The following CDC45 variants were observed in gnomAD, a reference collection of about 807,000 sequenced individuals.
The protein encoded by CDC45 is cell division cycle 45.
CDC45 carries 54 observed loss-of-function variants against 77.8 expected under a neutral mutation model. The observed-to-expected ratio is 0.69, with a 90% confidence interval of 0.56 to 0.87. The LOEUF is 0.87. Ranked by LOEUF, CDC45 falls within the 40% of genes least tolerant of loss-of-function variation. The pLI is 0.00. For missense variants in CDC45, 649 were observed against 721.6 expected, an observed-to-expected ratio of 0.90 and a Z score of 1.15; for synonymous variants, 260 against 272.1, an observed-to-expected ratio of 0.96 and a Z score of 0.44.
At chr22:19,517,693 G>A (rs1933876773) in intron 17 of CDC45, among the ~76,000 whole-genome samples, 1 of 152,152 alleles carries the variant, frequency 6.6e-6, no homozygotes, top group African/African-American at 2.4e-5. Context: ...TTCTCACTGT[G>A]TCCTCACGTG....
intron 10 of CDC45, among the ~76,000 whole-genome samples, chr22:19,506,590 A>G (rs894875180): frequency 6.6e-6 from 1 of 152,102 alleles, no homozygotes; most frequent in African/African-American, 2.4e-5. Context: ...GACAGTCCAC[A>G]CTCACAACTG....
At chr22:19,503,564 T>C (rs1227097281) in intron 9 of CDC45, among the ~76,000 whole-genome samples, 1 of 152,200 alleles carries the variant, frequency 6.6e-6, no homozygotes. Flanking sequence ...GAGCTGCTGC[T>C]AGCAATTCCT....
chr22:19,480,113 G>A (rs1280294477), intron 1 of CDC45, 45 bp from the exon 2 acceptor site: 1 of 1,612,572 alleles, frequency 6.2e-7, no homozygotes, highest in Non-Finnish European at 8.5e-7. Flanking sequence ...GGGGAGGGCC[G>A]GGGTTCGGGT....
intron 5 of CDC45, among the ~76,000 whole-genome samples, chr22:19,490,542 T>C (rs2090139319): frequency 6.6e-6 from 1 of 151,278 alleles, no homozygotes; most frequent in African/African-American, 2.4e-5. Context: ...GCCCAGCTAA[T>C]TTTTTGTATT....
At chr22:19,504,424 C>G (rs1309827593) in intron 9 of CDC45, among the ~76,000 whole-genome samples, 1 of 152,194 alleles carries the variant, frequency 6.6e-6, no homozygotes, top group Non-Finnish European at 1.5e-5. Flanking sequence ...CTCACCCTCC[C>G]AAGTAGCTGG....
At chr22:19,489,819 G>T in intron 5 of CDC45, among the ~76,000 whole-genome samples, 1 of 152,198 alleles carries the variant, frequency 6.6e-6, no homozygotes, top group East Asian at 1.9e-4. Context: ...GTGGTGTTGA[G>T]TTCTGTTTGC....
At chr22:19,485,552 G>C (rs1470272878) in intron 5 of CDC45, among the ~76,000 whole-genome samples, 1 of 152,200 alleles carries the variant, frequency 6.6e-6, no homozygotes, top group Non-Finnish European at 1.5e-5. Flanking sequence ...AATGAGAACA[G>C]ACCAGTGGGT....
chr22:19,499,397 C>T (rs1463032203), intron 9 of CDC45, among the ~76,000 whole-genome samples: 4 of 152,130 alleles, frequency 2.6e-5, no homozygotes, highest in African/African-American at 7.2e-5. Context: ...AGTTCTCTCC[C>T]AGTGCCCTGC....
chr22:19,487,184 C>T (rs557304692), intron 5 of CDC45, among the ~76,000 whole-genome samples: 4 of 151,210 alleles, frequency 2.6e-5, no homozygotes, highest in South Asian at 2.1e-4. Flanking sequence ...CCCAGCTACT[C>T]GAGAGGCTGA....
chr22:19,516,817 C>CT lies in CDC45; in HGVS notation c.1566dup (p.Gly523TrpfsTer5), dbSNP rs746947472. On this transcript the variant is annotated frameshift_variant and splice_region_variant, in exon 17 of 19. Transcript: ENST00000263201. LOFTEE classifies it high-confidence loss of function. ...CCCGACATGTCTTGTGTGTCAGCAG[C>CT]TTTTTTGGGAGGGCGTTTGAGAAGG... 5 of 1,613,520 alleles carry CT rather than the reference C, an allele frequency of 3.1e-6. No individual in the cohort carries two copies. The highest frequency in any genetic ancestry group is 2.7e-5 in the African/African-American group (2 of 74,896).
At chr22:19,517,516 T>C (rs1322097999) in intron 17 of CDC45, among the ~76,000 whole-genome samples, 1 of 152,192 alleles carries the variant, frequency 6.6e-6, no homozygotes, top group African/African-American at 2.4e-5. Context: ...CGTATTGATA[T>C]TTCACCCCGG....
chr22:19,519,071 CCTTAGG>C (rs1484800258), intron 18 of CDC45, among the ~76,000 whole-genome samples, 162 bp downstream of exon 18: 1 of 152,182 alleles, frequency 6.6e-6, no homozygotes, highest in Non-Finnish European at 1.5e-5. Flanking sequence ...GCACATCTGT[CCTTAGG>C]CTGCCAGCAG....
chr22:19,516,636 A>G lies in CDC45; in HGVS notation c.1550A>G (p.Asp517Gly). 6.2e-7 allele frequency: 1 copy of G among 1,612,738 alleles called. No homozygotes were observed. Among genetic ancestry groups the G allele is most frequent in the Non-Finnish European group, 8.5e-7 (1 of 1,179,010 alleles). Residue 517 changes from aspartate (D) to glycine (G), a missense_variant, in exon 16 of 19, where the codon GAC becomes GGC. Physicochemically the swap from Asp to Gly is moderately conservative, Grantham distance 94. Coordinates refer to ENST00000263201, the MANE Select transcript of CDC45 (RefSeq NM_003504.5). ...VGIPPETDSS[D>G]RKNFFGRAFE... ...ATCCCCCCAGAGACCGACAGCTCGG[A>G]CAGGAAGAAGTGAGCAGCTTCCACT...
intron 3 of CDC45, among the ~76,000 whole-genome samples, chr22:19,481,455 T>C (rs1318423000): frequency 6.6e-6 from 1 of 152,192 alleles, no homozygotes; most frequent in Non-Finnish European, 1.5e-5. Context: ...CTCGGCTCAC[T>C]GCAAGCTGTG....
intron 15 of CDC45, among the ~76,000 whole-genome samples, chr22:19,515,688 A>T (rs1204510767): frequency 6.6e-6 from 1 of 152,222 alleles, no homozygotes. Context: ...CAACCAGGTA[A>T]TGTCAAAGAT....
At chr22:19,496,742 C>T (rs2090250029) in intron 7 of CDC45, among the ~76,000 whole-genome samples, 1 of 152,150 alleles carries the variant, frequency 6.6e-6, no homozygotes, top group Non-Finnish European at 1.5e-5. Context: ...TGGAGGAAGC[C>T]CGCATCTCAC....
chr22:19,479,923 C>A lies in CDC45; in HGVS notation c.-46C>A. On this transcript the variant is annotated 5_prime_UTR_variant, in exon 1 of 19. Coordinates refer to ENST00000263201, the MANE Select transcript of CDC45 (RefSeq NM_003504.5). ...GGCGGGAGTCTTGACCGCCGCCGGGCTCTTGGTACCTCAGCGCGAGCGCCA... is the reference window on the plus strand; with the variant it reads ...GGCGGGAGTCTTGACCGCCGCCGGGATCTTGGTACCTCAGCGCGAGCGCCA... The A allele has an allele frequency of 6.2e-7, 1 of 1,608,218 alleles. No homozygotes were observed. The highest frequency in any genetic ancestry group is 1.1e-5 in the South Asian group (1 of 90,952).
intron 3 of CDC45, among the ~76,000 whole-genome samples, chr22:19,481,399 A>G (rs1471446481): frequency 6.6e-6 from 1 of 151,600 alleles, no homozygotes; most frequent in Admixed American, 6.6e-5. Flanking sequence ...TTTTTTTTGA[A>G]ACGGAGTCTC....
intron 13 of CDC45, among the ~76,000 whole-genome samples, chr22:19,509,327 C>G (rs1933389221): frequency 6.6e-6 from 1 of 152,206 alleles, no homozygotes; most frequent in Admixed American, 6.5e-5. Context: ...CGAAAGCTAG[C>G]TTGGAAACAA....
Sources: gnomAD v4.1 joint callset for allele counts (sites outside exome capture counted in the v4.1 genomes callset) on GRCh38, gnomAD v4.1.1 for gene constraint, MANE v1.5 for transcripts, NCBI Gene and HGNC (gene_info 2026-07-23, HGNC 2026-07-21) for gene names.